PTPRD: variants seen among roughly 807,000 people sequenced by gnomAD.
PTPRD encodes the protein protein tyrosine phosphatase receptor type D.
In PTPRD, 34 loss-of-function variants were observed where a neutral mutation model predicts 214.5. The ratio of observed to expected loss-of-function variants is 0.16; its 90% CI spans 0.12 to 0.21. The LOEUF (loss-of-function observed/expected upper bound fraction) is 0.21, where lower values mean the gene tolerates loss of function less well. Ranked by LOEUF, PTPRD falls within the 10% of genes least tolerant of loss-of-function variation. The probability of loss-of-function intolerance (pLI) is 1.00; values close to 1 mark genes in which losing one functional copy is unlikely to be tolerated. For synonymous variants in PTPRD, 1,128 were observed against 845.7 expected, an observed-to-expected ratio of 1.33 and a Z score of -5.79; for missense variants, 2,545 against 2,398.7, an observed-to-expected ratio of 1.06 and a Z score of -1.27.
intron 12 of PTPRD, among the ~76,000 whole-genome samples, chr9:8,681,954 A>G (rs1490519918): frequency 1.3e-5 from 2 of 152,182 alleles, no homozygotes; most frequent in Non-Finnish European, 2.9e-5. Context: ...GTAGGAGAAG[A>G]CAATGGAAAT....
chr9:9,511,625 T>C (rs903676296), intron 8 of PTPRD, among the ~76,000 whole-genome samples: 23 of 151,834 alleles, frequency 1.5e-4, no homozygotes, highest in African/African-American at 5.1e-4. Flanking sequence ...ATCTCTTGCA[T>C]TGCTTTAATT....
chr9:10,379,445 A>G (rs1321131211), intron 2 of PTPRD, among the ~76,000 whole-genome samples: 1 of 151,860 alleles, frequency 6.6e-6, no homozygotes, highest in Non-Finnish European at 1.5e-5. Flanking sequence ...TGCATTCCAG[A>G]TCTTAGAGGA....
intron 14 of PTPRD, among the ~76,000 whole-genome samples, chr9:8,557,651 G>A (rs569124826): frequency 1.3e-5 from 2 of 148,728 alleles, no homozygotes; most frequent in Non-Finnish European, 3.0e-5. Flanking sequence ...GCTGAGGCAG[G>A]GGAATCGCTT....
At chr9:9,380,259 T>C (rs1029307623) in intron 9 of PTPRD, among the ~76,000 whole-genome samples, 3 of 152,146 alleles carry the variant, frequency 2.0e-5, no homozygotes, top group Admixed American at 1.3e-4. Flanking sequence ...CACATTTTGA[T>C]AAGTTGTGTT....
chr9:9,245,992 T>C (rs1235079149), intron 9 of PTPRD, among the ~76,000 whole-genome samples: 1 of 152,092 alleles, frequency 6.6e-6, no homozygotes. Context: ...AAAAAGATCC[T>C]ATGTGGCTGA....
intron 5 of PTPRD, among the ~76,000 whole-genome samples, chr9:9,801,683 A>C (rs886406867): frequency 4.6e-5 from 7 of 152,066 alleles, no homozygotes; most frequent in African/African-American, 1.7e-4. Flanking sequence ...TTTATAGGGT[A>C]ATAATTTCAC....
chr9:8,319,338 T>C (rs1394458743), intron 45 of PTPRD, among the ~76,000 whole-genome samples: 1 of 151,982 alleles, frequency 6.6e-6, no homozygotes, highest in Non-Finnish European at 1.5e-5. Flanking sequence ...GAATAGGAAA[T>C]GAGGGGCTAA....
intron 10 of PTPRD, among the ~76,000 whole-genome samples, chr9:9,145,172 A>C (rs187098380): frequency 6.6e-6 from 1 of 152,170 alleles, no homozygotes; most frequent in Non-Finnish European, 1.5e-5. Flanking sequence ...AGCAAAATCT[A>C]TCTTGGCCAC....
chr9:10,435,418 C>T (rs963698341), intron 2 of PTPRD, among the ~76,000 whole-genome samples: 1 of 151,768 alleles, frequency 6.6e-6, no homozygotes, highest in South Asian at 2.1e-4. Context: ...AGAAAGAAAT[C>T]AAAAGACAGA....
chr9:8,318,823 AC>A (rs1824315214), intron 45 of PTPRD, among the ~76,000 whole-genome samples: 1 of 152,078 alleles, frequency 6.6e-6, no homozygotes, highest in Non-Finnish European at 1.5e-5. Flanking sequence ...TGGAAAAATC[AC>A]AATTTACAGC....
At chr9:8,990,424 G>A (rs981936975) in intron 11 of PTPRD, among the ~76,000 whole-genome samples, 1 of 152,164 alleles carries the variant, frequency 6.6e-6, no homozygotes, top group African/African-American at 2.4e-5. Context: ...TATCAACTGT[G>A]TAGGTAGCAC....
chr9:10,339,575 C>A (rs972653940), intron 3 of PTPRD, among the ~76,000 whole-genome samples: 3 of 151,502 alleles, frequency 2.0e-5, no homozygotes, highest in African/African-American at 7.3e-5. Flanking sequence ...GATGGATCGG[C>A]AAGATAGAAA....
chr9:9,620,927 G>C (rs539580736), intron 7 of PTPRD, among the ~76,000 whole-genome samples: 3 of 151,458 alleles, frequency 2.0e-5, no homozygotes, highest in African/African-American at 7.3e-5. Flanking sequence ...CTTGGCCAAC[G>C]AGGTAATAGC....
chr9:9,735,443 A>AGAACACGGT (rs2098275813), intron 6 of PTPRD, among the ~76,000 whole-genome samples: 2 of 152,142 alleles, frequency 1.3e-5, no homozygotes, highest in African/African-American at 4.8e-5. Context: ...AAGAGAATGG[A>AGAACACGGT]GAACACGGTA....
chr9:9,473,468 C>T (rs1227876829), intron 8 of PTPRD, among the ~76,000 whole-genome samples: 1 of 152,046 alleles, frequency 6.6e-6, no homozygotes, highest in African/African-American at 2.4e-5. Flanking sequence ...TATTGATTTT[C>T]TTTCTTTGGA....
At chr9:8,488,086 G>A (rs568310732) in intron 27 of PTPRD, among the ~76,000 whole-genome samples, 8 of 152,142 alleles carry the variant, frequency 5.3e-5, no homozygotes, top group African/African-American at 1.7e-4. Context: ...TTACAGTAAT[G>A]GGAAACAGGT....
intron 3 of PTPRD, among the ~76,000 whole-genome samples, chr9:10,235,779 C>T (rs1009526276): frequency 1.3e-5 from 2 of 151,864 alleles, no homozygotes; most frequent in Non-Finnish European, 2.9e-5. Flanking sequence ...ATCTAATGAG[C>T]GATTAAAATG....
At chr9:10,353,161 C>T (rs2097210678) in intron 2 of PTPRD, among the ~76,000 whole-genome samples, 1 of 151,862 alleles carries the variant, frequency 6.6e-6, no homozygotes. Context: ...ATATACTCGG[C>T]TAAATCACAA....
chr9:10,053,626 T>C (rs1371553338), intron 3 of PTPRD, among the ~76,000 whole-genome samples: 1 of 152,174 alleles, frequency 6.6e-6, no homozygotes, highest in Non-Finnish European at 1.5e-5. Flanking sequence ...TATAGCTCAT[T>C]GAGGTTTTCA....
Sources: allele counts gnomAD v4.1 joint callset (sites outside exome capture counted in the v4.1 genomes callset), GRCh38; gene constraint gnomAD v4.1.1; transcripts MANE v1.5; gene names NCBI Gene and HGNC (gene_info 2026-07-23, HGNC 2026-07-21).